STPG2: variants seen among roughly 807,000 people sequenced by gnomAD.
STPG2 encodes sperm-tail PG-rich repeat-containing protein 2.
Under a neutral mutation model 54.2 loss-of-function variants are expected in STPG2, and 56 were observed. The ratio of observed to expected loss-of-function variants is 1.03; its 90% CI spans 0.83 to 1.29. The LOEUF (loss-of-function observed/expected upper bound fraction) is 1.29, where lower values mean the gene tolerates loss of function less well. STPG2 is among the 50% of genes most tolerant of loss of function. STPG2 has a pLI of 0.00. For missense variants in STPG2, 596 were observed against 544.9 expected, an observed-to-expected ratio of 1.09 and a Z score of -0.93; for synonymous variants, 200 against 181.8, an observed-to-expected ratio of 1.10 and a Z score of -0.81.
chr4:97,800,127 AC>A (rs768888980), intron 9 of STPG2, among the ~76,000 whole-genome samples: 4 of 152,132 alleles, frequency 2.6e-5, no homozygotes, highest in Admixed American at 6.6e-5. Flanking sequence ...ATGGATTTGA[AC>A]TTCCTCCTTT....
intron 9 of STPG2, among the ~76,000 whole-genome samples, chr4:97,781,275 A>G (rs1259698072): frequency 6.6e-6 from 1 of 152,198 alleles, no homozygotes; most frequent in African/African-American, 2.4e-5. Flanking sequence ...CAGAAATACA[A>G]ACTACCATCA....
intron 10 of STPG2, among the ~76,000 whole-genome samples, chr4:97,646,713 C>A (rs1307680283): frequency 2.0e-5 from 3 of 151,830 alleles, no homozygotes; most frequent in Non-Finnish European, 4.4e-5. Context: ...AAAATGTTTT[C>A]AACTGCTTAG....
intron 4 of STPG2, among the ~76,000 whole-genome samples, chr4:97,454,533 A>G (rs1578311529): frequency 2.6e-5 from 3 of 116,904 alleles, no homozygotes; most frequent in African/African-American, 2.0e-4. Context: ...AAAAAAAAAA[A>G]AAAAAAAAAA....
chr4:98,136,215 T>C (rs1019307516), intron 1 of STPG2, among the ~76,000 whole-genome samples: 1 of 151,676 alleles, frequency 6.6e-6, no homozygotes. Context: ...CAAATGTTTG[T>C]GGATTAATAA....
At chr4:97,625,135 T>C (rs1367257040) in intron 10 of STPG2, among the ~76,000 whole-genome samples, 1 of 152,196 alleles carries the variant, frequency 6.6e-6, no homozygotes, top group East Asian at 1.9e-4. Flanking sequence ...AACCATGTAG[T>C]CTGAGATATT....
chr4:97,813,021 A>C (rs1727791318), intron 9 of STPG2, among the ~76,000 whole-genome samples: 1 of 152,126 alleles, frequency 6.6e-6, no homozygotes, highest in Non-Finnish European at 1.5e-5. Context: ...TTCCATACAC[A>C]TACAATCTGC....
At chr4:97,569,827 T>C (rs938193733) in intron 10 of STPG2, among the ~76,000 whole-genome samples, 3 of 151,994 alleles carry the variant, frequency 2.0e-5, no homozygotes, top group Admixed American at 6.6e-5. Flanking sequence ...TCCCTATAAA[T>C]TATTAATTAT....
At chr4:97,753,861 TTTGTTG>T (rs933056613) in intron 9 of STPG2, among the ~76,000 whole-genome samples, 1 of 151,944 alleles carries the variant, frequency 6.6e-6, no homozygotes, top group Non-Finnish European at 1.5e-5. Flanking sequence ...TTGGGTTGTT[TTTGTTG>T]TTGTTGTTGT....
Position 98,109,307 on chromosome 4 carries a change from T to TA in STPG2, c.388-3dup. The TA allele has an allele frequency of 4.4e-6, 7 of 1,587,156 alleles. No homozygotes were observed. Among genetic ancestry groups the TA allele is most frequent in the South Asian group, 1.1e-5 (1 of 87,548 alleles). On this transcript the variant is annotated splice_polypyrimidine_tract_variant and splice_region_variant and intron_variant, in intron 3 of 10. Transcript: ENST00000295268. Reference sequence around the variant, plus strand: ...TTTCAAAGTTGCATTGGAAACATCCTAAAAAATAAAAAGTTTTAAAAAGTG... The same window carrying TA: ...TTTCAAAGTTGCATTGGAAACATCCTAAAAAAATAAAAAGTTTTAAAAAGTG...
intron 5 of STPG2, among the ~76,000 whole-genome samples, chr4:98,086,156 T>C (rs890690103): frequency 1.3e-5 from 2 of 152,166 alleles, no homozygotes; most frequent in Non-Finnish European, 2.9e-5. Context: ...TTGAATAAAG[T>C]AGTAAGCTTT....
intron 4 of STPG2, among the ~76,000 whole-genome samples, chr4:97,492,307 T>G (rs1056775248): frequency 6.6e-6 from 1 of 151,486 alleles, no homozygotes; most frequent in African/African-American, 2.4e-5. Context: ...ATGAGCCTCT[T>G]GCCAGTTTTG....
intron 8 of STPG2, among the ~76,000 whole-genome samples, chr4:97,935,083 G>C (rs1256613985): frequency 1.3e-5 from 2 of 152,110 alleles, no homozygotes; most frequent in Non-Finnish European, 2.9e-5. Context: ...CTGTAGTATG[G>C]TGTGGTGTAT....
intron 5 of STPG2, among the ~76,000 whole-genome samples, chr4:97,987,645 C>T (rs1034180651): frequency 5.3e-5 from 8 of 151,990 alleles, no homozygotes; most frequent in Non-Finnish European, 1.2e-4. Context: ...TTCATACATA[C>T]CTAAACTATT....
At chr4:97,826,609 A>G (rs891642026) in intron 9 of STPG2, among the ~76,000 whole-genome samples, 1 of 152,230 alleles carries the variant, frequency 6.6e-6, no homozygotes, top group Non-Finnish European at 1.5e-5. Flanking sequence ...TTTGTCGACA[A>G]GGTTTTATTA....
At chr4:97,910,939 C>A (rs769312190) in intron 8 of STPG2, among the ~76,000 whole-genome samples, 3 of 152,174 alleles carry the variant, frequency 2.0e-5, no homozygotes, top group Non-Finnish European at 2.9e-5. Context: ...TCTACACCTT[C>A]AACTAAGGTA....
chr4:98,075,930 T>C (rs971727131), intron 5 of STPG2, among the ~76,000 whole-genome samples: 11 of 152,134 alleles, frequency 7.2e-5, no homozygotes, highest in Admixed American at 5.9e-4. Context: ...GAAAAGACCA[T>C]ACAATTTTTA....
chr4:97,611,504 T>C (rs1215516794), intron 10 of STPG2, among the ~76,000 whole-genome samples: 1 of 151,962 alleles, frequency 6.6e-6, no homozygotes, highest in Non-Finnish European at 1.5e-5. Flanking sequence ...TGTGGTATAA[T>C]ATTAAAAAAT....
intron 3 of STPG2, among the ~76,000 whole-genome samples, chr4:98,123,724 T>A (rs1011568987): frequency 6.6e-6 from 1 of 152,186 alleles, no homozygotes; most frequent in Non-Finnish European, 1.5e-5. Flanking sequence ...AGAGCTCACT[T>A]CAGGTCCTGA....
At chr4:97,555,747 CA>C (rs1250114421), downstream of STPG2, among the ~76,000 whole-genome samples, 1 of 151,950 alleles carries the variant, frequency 6.6e-6, no homozygotes, top group African/African-American at 2.4e-5. Flanking sequence ...AACAGAAACC[CA>C]AAATAGGTAG....
Sources: allele counts gnomAD v4.1 joint callset (sites outside exome capture counted in the v4.1 genomes callset), GRCh38; gene constraint gnomAD v4.1.1; transcripts MANE v1.5; gene names NCBI Gene and HGNC (gene_info 2026-07-23, HGNC 2026-07-21).